Variants in VPS33B observed in about 807,000 individuals in gnomAD.
VPS33B encodes VPS33B late endosome and lysosome associated.
A neutral mutation model predicts 95.3 loss-of-function variants in VPS33B; 80 were observed. That is an observed-to-expected ratio of 0.84 (90% CI 0.70 to 1.01). The LOEUF (loss-of-function observed/expected upper bound fraction) is 1.01. VPS33B is among the 50% of genes least tolerant of loss of function. VPS33B has a pLI of 0.00. For synonymous variants in VPS33B, 280 were observed against 280.4 expected (o/e 1.00, Z 0.01); for missense variants, 715 against 773.4 (o/e 0.92, Z 0.90).
chr15:91,004,117 G>T (rs1471452104), intron 16 of VPS33B, among the ~76,000 whole-genome samples: 3 of 151,936 alleles, frequency 2.0e-5, no homozygotes, highest in Non-Finnish European at 4.4e-5. Context: ...ACAGCTACTT[G>T]AGAGGCTGAG....
Position 91,005,662 on chromosome 15 carries a change from C to A in VPS33B, c.1030+32G>T. ...AGCTTTCCCCAGAGGGACACAGTCA[C>A]TTCCCCTCACGCCCCTCAAGCTGAA... On this transcript the variant is annotated intron_variant, in intron 13 of 22. Transcript: ENST00000333371. The surrounding 1 kb of genome is among the most constrained non-coding windows in gnomAD (Gnocchi z 6.4). 1 of 1,612,884 alleles carries A rather than the reference C, an allele frequency of 6.2e-7. No individual in the cohort carries two copies. The highest frequency in any genetic ancestry group is 1.7e-5 in the Admixed American group (1 of 60,030).
chr15:91,007,515 A>AGAGTGCTGAGAAGGTGT lies in VPS33B; in HGVS notation c.540_556dup (p.Leu186HisfsTer59). ...ATAGCAGTTTGGAAAGGGTCCATAG[A>AGAGTGCTGAGAAGGTGT]GAGTGCTGAGAAGGTGTAAGGCCTG... On this transcript the variant is annotated frameshift_variant, in exon 8 of 23. Transcript: ENST00000333371. LOFTEE classifies it high-confidence loss of function. This position sits in a 1 kb window ranked among gnomAD's most constrained non-coding sequence, Gnocchi z 5.3. The AGAGTGCTGAGAAGGTGT allele has an allele frequency of 6.2e-7, 1 of 1,614,214 alleles. No individual in the cohort carries two copies. Among genetic ancestry groups the AGAGTGCTGAGAAGGTGT allele is most frequent in the Non-Finnish European group, 8.5e-7 (1 of 1,180,042 alleles).
Position 90,999,033 on chromosome 15 carries a change from G to A in VPS33B, c.1796C>T (p.Thr599Met), listed in dbSNP as rs576626726. The A allele has an allele frequency of 3.0e-5, 48 of 1,614,144 alleles. No individual in the cohort carries two copies. The South Asian group carries it at 4.0e-4, about 13-fold the overall frequency. The stretch of plus-strand genomic sequence containing the variant: ...GCGAGCGCTGTTTGTGACTGCTGTC[G>A]TCAGGAAAATGAACCTGTAGCCTAA... Reference protein sequence around the residue: ...REKGYRFIFLTTAVTNSARLM... With the variant: ...REKGYRFIFLMTAVTNSARLM... Residue 599 changes from threonine to methionine, a missense_variant, in exon 23 of 23, where the codon ACG (threonine) becomes ATG (methionine). By Grantham distance (81) the Thr-to-Met change is moderately conservative. Transcript: ENST00000333371. The surrounding 1 kb of genome is among the most constrained non-coding windows in gnomAD (Gnocchi z 5.1).
In VPS33B at chr15:91,022,162, G is replaced by A; in HGVS notation, c.88C>T (p.Leu30=). 1 of 1,563,534 alleles carries A rather than the reference G, an allele frequency of 6.4e-7. No individual in the cohort carries two copies. The highest frequency in any genetic ancestry group is 1.2e-5 in the South Asian group (1 of 85,104). ...GTCAGGCAAGCACTGACCTGCTCCA[G>A]CAGATAGATGAGCTGGTCTCGAGCC... is the stretch of plus-strand genomic sequence containing the variant. The part of the protein sequence containing the change: ...RLARDQLIYL[L]EQLPGKKDLF... The change falls in exon 1 of 23, where the codon CTG becomes TTG. Residue 30 remains leucine (L), a synonymous_variant. Coordinates refer to ENST00000333371, the MANE Select transcript of VPS33B (RefSeq NM_018668.5).
intron 1 of VPS33B, among the ~76,000 whole-genome samples, chr15:91,020,648 G>C (rs2041076044): frequency 6.6e-6 from 1 of 152,120 alleles, no homozygotes; most frequent in Non-Finnish European, 1.5e-5. Flanking sequence ...TGGGAGGCTG[G>C]GACGGGCAGA....
At chr15:91,001,616 TCCCCACCCTTC>T (rs2040440788) in intron 18 of VPS33B, among the ~76,000 whole-genome samples, 154 bp from the exon 19 acceptor site, 6 of 152,162 alleles carry the variant, frequency 3.9e-5, no homozygotes, top group Admixed American at 3.9e-4. Context: ...CAAGATATAC[TCCCCACCCTTC>T]TCCCCACCCA....
Position 91,009,764 on chromosome 15 carries a change from T to C in VPS33B, c.403+37A>G. The C allele has an allele frequency of 6.2e-7, 1 of 1,613,490 alleles. No homozygotes were observed. Among genetic ancestry groups the C allele is most frequent in the Non-Finnish European group, 8.5e-7 (1 of 1,179,482 alleles). On this transcript the variant is annotated intron_variant, in intron 6 of 22. Coordinates refer to ENST00000333371, the MANE Select transcript of VPS33B (RefSeq NM_018668.5). The surrounding 1 kb of genome is among the most constrained non-coding windows in gnomAD (Gnocchi z 4.1). ...AACAACAGTTTTTTCTTCTGTATGT[T>C]CTCTTTCCCTTTCCACTCACATTCA...
chr15:91,006,475 T>C lies in VPS33B; in HGVS notation c.779-30A>G. ...GAGAGCAGAGGGACAGCTATTAGGA[T>C]CTCCAATGAGGACTTCTCCTACCAT... On this transcript the variant is annotated intron_variant, in intron 10 of 22. Transcript: ENST00000333371. The surrounding 1 kb of genome is among the most constrained non-coding windows in gnomAD (Gnocchi z 5.4). 1.2e-6 allele frequency: 2 copies of C among 1,614,030 alleles called. No homozygotes were observed.
Position 91,009,922 on chromosome 15 carries a change from T to C in VPS33B, c.358-76A>G. ...CCATTTCTCTGGAGTTCCTCTGTGG[T>C]CACTGATGAGGACAATAATTGCCGA... On this transcript the variant is annotated intron_variant, in intron 5 of 22. Coordinates refer to ENST00000333371, the MANE Select transcript of VPS33B (RefSeq NM_018668.5). The surrounding 1 kb of genome is among the most constrained non-coding windows in gnomAD (Gnocchi z 4.1). 6.4e-7 allele frequency: 1 copy of C among 1,563,312 alleles called. No individual in the cohort carries two copies. Among genetic ancestry groups the C allele is most frequent in the Non-Finnish European group, 8.8e-7 (1 of 1,135,172 alleles).
Position 91,009,586 on chromosome 15 carries a change from A to G in VPS33B, c.403+215T>C, listed in dbSNP as rs372980706. 6.6e-5 allele frequency among the ~76,000 whole-genome samples: 10 copies of G among 152,092 alleles called. No homozygotes were observed. The East Asian group carries it at 1.4e-3, about 21-fold the overall frequency. ...CTCCCAAAGTGCTGGGATTACAGGC[A>G]TGAGCCACTGCGCCCAGCCCCCAGT... On this transcript the variant is annotated intron_variant, in intron 6 of 22. Coordinates refer to ENST00000333371, the MANE Select transcript of VPS33B (RefSeq NM_018668.5). The surrounding 1 kb of genome is among the most constrained non-coding windows in gnomAD (Gnocchi z 4.1).
intron 6 of VPS33B, among the ~76,000 whole-genome samples, chr15:91,008,548 A>T (rs1041685778): frequency 2.0e-5 from 3 of 152,154 alleles, no homozygotes; most frequent in Non-Finnish European, 4.4e-5. Context: ...TACAGGTGTG[A>T]GCCACCACGC....
In VPS33B at chr15:91,013,777, C is replaced by G; in HGVS notation, c.357+27G>C. 2 of 1,613,776 alleles carry G rather than the reference C, an allele frequency of 1.2e-6. No homozygotes were observed. The highest frequency in any genetic ancestry group is 1.7e-6 in the Non-Finnish European group (2 of 1,179,740). On this transcript the variant is annotated intron_variant, in intron 5 of 22. Coordinates refer to ENST00000333371, the MANE Select transcript of VPS33B (RefSeq NM_018668.5). This position sits in a 1 kb window ranked among gnomAD's most constrained non-coding sequence, Gnocchi z 4.5. ...GGTCCTCAGTCCTGTTCTACCTTAT[C>G]CCACTTCCTCCAGGATCCAAACTCA...
chr15:90,999,866 A>G lies in VPS33B; in HGVS notation c.1657+34T>C. The G allele has an allele frequency of 6.2e-7, 1 of 1,614,122 alleles. No homozygotes were observed. On this transcript the variant is annotated intron_variant, in intron 21 of 22. Transcript: ENST00000333371. This position sits in a 1 kb window ranked among gnomAD's most constrained non-coding sequence, Gnocchi z 5.1. ...GAGTGGTGCATCCAGCCCACCTCTC[A>G]CTGCCAGCCTACCCCACTGTTAATG...
At chr15:91,003,057 C>T in intron 17 of VPS33B, 28 bp downstream of exon 17, 1 of 1,613,808 alleles carries the variant, frequency 6.2e-7, no homozygotes, top group Non-Finnish European at 8.5e-7. Flanking sequence ...CATCAAGTTC[C>T]CTCAAGAATA....
chr15:91,020,563 T>A (rs945798000), intron 1 of VPS33B, among the ~76,000 whole-genome samples: 2 of 152,134 alleles, frequency 1.3e-5, no homozygotes, highest in African/African-American at 4.8e-5. Flanking sequence ...TTTATGTGCA[T>A]GTCACTGTGC....
Position 91,007,105 on chromosome 15 carries a change from C to G in VPS33B, c.604-59G>C. ...CCAGGTCCCTACTGCAGCCCCATAC[C>G]TACAGAAGTCAGCCCTTTCCACGTG... On this transcript the variant is annotated intron_variant, in intron 8 of 22. Transcript: ENST00000333371. This position sits in a 1 kb window ranked among gnomAD's most constrained non-coding sequence, Gnocchi z 5.3. The G allele has an allele frequency of 6.3e-7, 1 of 1,578,972 alleles. No homozygotes were observed. Among genetic ancestry groups the G allele is most frequent in the Non-Finnish European group, 8.6e-7 (1 of 1,159,986 alleles).
In VPS33B at chr15:91,002,114, G is replaced by A. The variant is rs775078453; in HGVS notation, c.1341C>T (p.Ala447=). 3 of 1,614,184 alleles carry A rather than the reference G, an allele frequency of 1.9e-6. No individual in the cohort carries two copies. The highest frequency in any genetic ancestry group is 2.2e-5 in the South Asian group (2 of 91,088). The change falls in exon 18 of 23, where the codon GCC becomes GCT. Residue 447 remains alanine (A), a synonymous_variant. Transcript: ENST00000333371. The surrounding 1 kb of genome is among the most constrained non-coding windows in gnomAD (Gnocchi z 4.7). ...CCACGGCTGTGAGGGTGTCCCCGGG[G>A]GCCTGCTCCGTTAGGAGCCCAGCTC... ...LRRAGLLTEQ[A]PGDTLTAVES...
At position 91,004,978 on chromosome 15, in the gene VPS33B, T is replaced by G; in HGVS notation, c.1171-47A>C. 2.5e-6 allele frequency: 4 copies of G among 1,614,132 alleles called. No homozygotes were observed. The South Asian group carries it at 4.4e-5, about 18-fold the overall frequency. ...AGGAGAATTGAAGCTTCACAACACG[T>G]GTTCTTTTCCTTCTGCTTAAGGCCG... On this transcript the variant is annotated intron_variant, in intron 15 of 22. Coordinates refer to ENST00000333371, the MANE Select transcript of VPS33B (RefSeq NM_018668.5).
Position 91,014,519 on chromosome 15 carries a change from T to G in VPS33B, c.240-86A>C, listed in dbSNP as rs886740524. 4.1e-6 allele frequency: 6 copies of G among 1,479,218 alleles called. No homozygotes were observed. The African/African-American group carries it at 8.3e-5, about 21-fold the overall frequency. 91.6% of individuals were successfully genotyped at this position (1,479,218 alleles called of 1,614,324 possible). ...GAAGAAACTGAAACAATACCAACTC[T>G]TTTGCCATTTGCCCTACAGGTCTCA... is the stretch of plus-strand genomic sequence containing the variant. On this transcript the variant is annotated intron_variant, in intron 3 of 22. Transcript: ENST00000333371.
Sources: allele counts gnomAD v4.1 joint callset (sites outside exome capture counted in the v4.1 genomes callset), GRCh38; gene constraint gnomAD v4.1.1; non-coding constraint Gnocchi (gnomAD v3.1); transcripts MANE v1.5; gene names NCBI Gene and HGNC (gene_info 2026-07-23, HGNC 2026-07-21).